UBA2: variants seen among roughly 807,000 people sequenced by gnomAD.
The protein encoded by UBA2 is SUMO-activating enzyme subunit 2.
Under a neutral mutation model 77.2 loss-of-function variants are expected in UBA2, and 11 were observed. That is an observed-to-expected ratio of 0.14 (90% confidence interval 0.09 to 0.24). The LOEUF is 0.24. UBA2 is among the 10% of genes least tolerant of loss of function. The pLI, the probability that UBA2 is intolerant of heterozygous loss-of-function variation, is 1.00. For missense variants in UBA2, 487 were observed against 781.7 expected (o/e 0.62, Z 4.50); for synonymous variants, 278 against 276.7 (o/e 1.00, Z -0.05).
intron 16 of UBA2, among the ~76,000 whole-genome samples, chr19:34,467,800 T>C (rs1395992553): frequency 3.3e-5 from 5 of 152,216 alleles, no homozygotes; most frequent in Non-Finnish European, 5.9e-5. Flanking sequence ...GAAATTCTTA[T>C]GGAAATTTCT....
At chr19:34,455,906 C>T (rs1257561949) in intron 12 of UBA2, among the ~76,000 whole-genome samples, 2 of 151,820 alleles carry the variant, frequency 1.3e-5, no homozygotes, top group African/African-American at 4.8e-5. Flanking sequence ...TCCCAAAGTG[C>T]TGGGATTACA....
In UBA2 at chr19:34,469,071, T is replaced by G. The variant is rs1421314763; in HGVS notation, c.1773T>G (p.Asp591Glu). The G allele has an allele frequency of 6.2e-7, 1 of 1,608,972 alleles. No homozygotes were observed. ...AGCAAGATGACGTTCTCATAGTTGA[T>G]TCAGATGAAGAAGATTCTTCAAATA... is the stretch of plus-strand genomic sequence containing the variant. ...AQEQDDVLIVDSDEEDSSNNA... is the reference protein window; with the variant it reads ...AQEQDDVLIVESDEEDSSNNA... Residue 591 changes from aspartate (D) to glutamate (E), a missense_variant, in exon 17 of 17, where the codon GAT becomes GAG. By Grantham distance (45) the Asp-to-Glu change is conservative (BLOSUM62 2). Around this residue, in one of 9 missense-constraint regions of UBA2, gnomAD observed 40 missense variants for 36.6 expected, o/e 1.09. Coordinates refer to ENST00000246548, the MANE Select transcript of UBA2 (RefSeq NM_005499.3).
chr19:34,470,072 T>G lies in UBA2; in HGVS notation c.*851T>G, dbSNP rs559706131. 21 of 145,054 alleles carry G rather than the reference T, an allele frequency of 1.4e-4. No homozygotes were observed. Among genetic ancestry groups the G allele is most frequent in the African/African-American group, 5.1e-4 (20 of 39,046 alleles). 9.0% of individuals were successfully genotyped at this position (145,054 alleles called of 1,614,324 possible). ...TAGTTCAAGACCAACCTGGTCAACA[T>G]GGTGAAACCCCATCTCTACTAAAAA... On this transcript the variant is annotated 3_prime_UTR_variant, in exon 17 of 17. Coordinates refer to ENST00000246548, the MANE Select transcript of UBA2 (RefSeq NM_005499.3).
rs1477084722 is a variant in UBA2, at chr19:34,464,011, A to G, written c.1499-15A>G. 2 of 1,568,758 alleles carry G rather than the reference A, an allele frequency of 1.3e-6. No individual in the cohort carries two copies. The highest frequency in any genetic ancestry group is 1.3e-5 in the African/African-American group (1 of 74,102). ...AAGATGTAACTGAAGTATCTAAATT[A>G]TTCACGTTTCCTAGCTAATAATCAC... On this transcript the variant is annotated splice_polypyrimidine_tract_variant and intron_variant, in intron 14 of 16. Transcript: ENST00000246548.
chr19:34,445,685 A>G (rs927504737), intron 8 of UBA2, among the ~76,000 whole-genome samples: 21 of 151,940 alleles, frequency 1.4e-4, no homozygotes, highest in African/African-American at 5.1e-4. Context: ...TGATCTGCCC[A>G]CCTTGGCTTC....
chr19:34,432,044 CAG>C, intron 3 of UBA2, 113 bp downstream of exon 3: 1 of 777,220 alleles, frequency 1.3e-6, no homozygotes, highest in Non-Finnish European at 2.0e-6. Flanking sequence ...AATTATTAAA[CAG>C]TGGTGGTTTC....
chr19:34,438,324 C>G (rs1293307573), intron 5 of UBA2, among the ~76,000 whole-genome samples: 1 of 151,732 alleles, frequency 6.6e-6, no homozygotes, highest in Non-Finnish European at 1.5e-5. Context: ...GTTTGTCTTT[C>G]CAGTAGTTTT....
chr19:34,460,863 G>C (rs1036088804), intron 14 of UBA2, among the ~76,000 whole-genome samples: 5 of 152,190 alleles, frequency 3.3e-5, no homozygotes, highest in Admixed American at 6.5e-5. Context: ...CTGTCTGTCA[G>C]ATCACAGTGG....
chr19:34,430,484 T>C, intron 1 of UBA2, 92 bp from the exon 2 acceptor site: 2 of 868,676 alleles, frequency 2.3e-6, no homozygotes, highest in Non-Finnish European at 3.6e-6. Context: ...GTAGCAGATA[T>C]CAAAAGTTCT....
At chr19:34,468,917 T>A in intron 16 of UBA2, 123 bp from the exon 17 acceptor site, 1 of 689,550 alleles carries the variant, frequency 1.5e-6, no homozygotes, top group Non-Finnish European at 2.2e-6. Flanking sequence ...AAAGTGAAAA[T>A]GCAGCCATTC....
chr19:34,429,817 C>G (rs2075231159), intron 1 of UBA2, among the ~76,000 whole-genome samples: 1 of 152,072 alleles, frequency 6.6e-6, no homozygotes, highest in African/African-American at 2.4e-5. Context: ...GCCTGGGCAA[C>G]AGAGGGAGAC....
chr19:34,457,191 T>A (rs1180350868), intron 12 of UBA2, among the ~76,000 whole-genome samples: 13 of 124,134 alleles, frequency 1.0e-4, no homozygotes, highest in South Asian at 5.7e-4. Context: ...TATATATATA[T>A]ATATATATAT....
chr19:34,466,924 C>T lies in UBA2; in HGVS notation c.1651C>T (p.Pro551Ser). 6.2e-7 allele frequency: 1 copy of T among 1,613,590 alleles called. No homozygotes were observed. Among genetic ancestry groups the T allele is most frequent in the Non-Finnish European group, 8.5e-7 (1 of 1,180,000 alleles). Reference sequence around the variant, plus strand: ...TGAATTTGAAGTTGTTGGTGATGCCCCGGAAAAAGTGGGGCCCAAACAAGC... The same window carrying T: ...TGAATTTGAAGTTGTTGGTGATGCCTCGGAAAAAGTGGGGCCCAAACAAGC... ...DVEFEVVGDA[P>S]EKVGPKQAED... The change falls in exon 16 of 17, where the codon CCG becomes TCG. Residue 551 changes from proline (P) to serine (S), a missense_variant. By Grantham distance (74) the Pro-to-Ser change is moderately conservative. Transcript: ENST00000246548.
intron 14 of UBA2, among the ~76,000 whole-genome samples, chr19:34,463,419 A>C (rs1033887353): frequency 4.6e-5 from 7 of 152,166 alleles, no homozygotes; most frequent in African/African-American, 1.7e-4. Flanking sequence ...TTATATTCTC[A>C]CAGTTCTGGA....
intron 9 of UBA2, among the ~76,000 whole-genome samples, chr19:34,450,780 G>A (rs1354303203): frequency 3.6e-5 from 4 of 112,216 alleles, no homozygotes; most frequent in Admixed American, 1.3e-4. Context: ...ACCGTGTCTC[G>A]CTCTGTTGCC....
chr19:34,433,312 G>C (rs1352312500), intron 3 of UBA2, 36 bp from the exon 4 acceptor site: 2 of 1,499,646 alleles, frequency 1.3e-6, no homozygotes. Flanking sequence ...TGGAAGGCTA[G>C]TTATTTTGGT....
At chr19:34,458,672 A>C in intron 12 of UBA2, 97 bp from the exon 13 acceptor site, 1 of 1,109,184 alleles carries the variant, frequency 9.0e-7, no homozygotes, top group Non-Finnish European at 1.2e-6. Flanking sequence ...TTTTTAAGTC[A>C]TTTTTTATTG....
chr19:34,444,475 C>T (rs2075406835), intron 7 of UBA2, among the ~76,000 whole-genome samples: 2 of 152,140 alleles, frequency 1.3e-5, no homozygotes, highest in Non-Finnish European at 1.5e-5. Flanking sequence ...CATGACTGGT[C>T]TGTGCTTTGA....
chr19:34,450,495 A>G (rs2075481229), intron 9 of UBA2, 131 bp downstream of exon 9: 4 of 558,900 alleles, frequency 7.2e-6, no homozygotes, highest in Non-Finnish European at 1.2e-5. Flanking sequence ...AATATGAAGA[A>G]CAAAAGTCAC....
Sources: gnomAD v4.1 joint callset for allele counts (sites outside exome capture counted in the v4.1 genomes callset) on GRCh38, gnomAD v4.1.1 for gene constraint, gnomAD v4.1.1 regional missense constraint, MANE v1.5 for transcripts, NCBI Gene and HGNC (gene_info 2026-07-23, HGNC 2026-07-21) for gene names.